ERBB2: variants seen among roughly 807,000 people sequenced by gnomAD.
ERBB2 encodes the protein receptor tyrosine-protein kinase erbB-2.
ERBB2 carries 61 observed loss-of-function variants against 149.0 expected under a neutral mutation model. That is an observed-to-expected ratio of 0.41 (90% CI 0.33 to 0.51). The LOEUF is 0.51. ERBB2 is among the 20% of genes least tolerant of loss of function. The probability of loss-of-function intolerance (pLI) is 0.25; values close to 1 mark genes in which losing one functional copy is unlikely to be tolerated. For synonymous variants in ERBB2, 633 were observed against 678.8 expected, an observed-to-expected ratio of 0.93 and a Z score of 1.05; for missense variants, 1,205 against 1,655.1, an observed-to-expected ratio of 0.73 and a Z score of 4.72.
At chr17:39,707,485 G>A (rs1193786529) in intron 2 of ERBB2, 2 of 223,516 alleles carry the variant, frequency 8.9e-6, no homozygotes, top group African/African-American at 2.3e-5. Flanking sequence ...GAGAAAGGTG[G>A]ATTACAGGCC....
upstream of ERBB2, among the ~76,000 whole-genome samples, chr17:39,691,546 T>TAAAAAAAAAAAAAAA (rs557885708): frequency 1.2e-4 from 13 of 108,290 alleles, no homozygotes; most frequent in African/African-American, 5.6e-4. Flanking sequence ...CCATCTACAT[T>TAAAAAAAAAAAAAAA]AAAAAAAAAA....
At position 39,725,409 on chromosome 17, in the gene ERBB2, G is replaced by C. The variant is rs373343734; in HGVS notation, c.2725+7G>C. On this transcript the variant is annotated splice_region_variant and intron_variant, in intron 22 of 26. Coordinates refer to ENST00000269571, the MANE Select transcript of ERBB2 (RefSeq NM_004448.4). This position sits in a 1 kb window ranked among gnomAD's most constrained non-coding sequence, Gnocchi z 4.6. The stretch of plus-strand genomic sequence containing the variant: ...AGTGATGTGTGGAGTTATGGTGTGT[G>C]ATGGGGGGTGTTGGGAGGGGTGGGT... The C allele has an allele frequency of 2.5e-6, 4 of 1,604,586 alleles. No homozygotes were observed. In the African/African-American group the frequency reaches 5.4e-5, roughly 21 times the overall value.
chr17:39,699,459 T>TA, upstream of ERBB2: 5 of 1,252,424 alleles, frequency 4.0e-6, no homozygotes, highest in Non-Finnish European at 4.4e-6. Flanking sequence ...AAAAGTTCGT[T>TA]TAAAAAAAAA....
At chr17:39,715,662 T>A in intron 11 of ERBB2, 78 bp from the exon 12 acceptor site, 1 of 1,570,992 alleles carries the variant, frequency 6.4e-7, no homozygotes, top group Admixed American at 1.7e-5. Context: ...CAGAGTGTGC[T>A]GGGGATGGAG....
upstream of ERBB2, among the ~76,000 whole-genome samples, chr17:39,694,247 A>ATGTGTG (rs1555612004): frequency 2.3e-5 from 1 of 43,846 alleles, no homozygotes; most frequent in African/African-American, 7.6e-5. Flanking sequence ...ATATATATAT[A>ATGTGTG]TATATATATA....
exon 2 of ERBB2, chr17:39,688,773 C>G (rs997350589): frequency 6.6e-6 from 1 of 152,380 alleles, no homozygotes. Context: ...GTTCACCACT[C>G]TACCTCCAGC....
Position 39,728,235 on chromosome 17 carries a change from TG to T in ERBB2, c.*193del, listed in dbSNP as rs1437306478. On this transcript the variant is annotated 3_prime_UTR_variant, in exon 27 of 27. Transcript: ENST00000269571. ...ATGGCTGGAAGGGGTCCAGCCTCGT[TG>T]GAAGAGGAACAGCACTGGGGAGTCT... 5.5e-6 allele frequency: 3 copies of T among 544,374 alleles called. No homozygotes were observed. Among genetic ancestry groups the T allele is most frequent in the African/African-American group, 1.9e-5 (1 of 53,372 alleles). The allele number at this position is 544,374 out of a possible 1,614,324, so 33.7% of individuals were successfully genotyped here.
At chr17:39,719,160 T>C (rs1366052506) in intron 15 of ERBB2, among the ~76,000 whole-genome samples, 2 of 150,838 alleles carry the variant, frequency 1.3e-5, no homozygotes, top group East Asian at 2.0e-4. Context: ...ATTTGAGAGG[T>C]TGAGACAGGA....
At chr17:39,689,723 T>G (rs2057650101) in intron 2 of ERBB2, among the ~76,000 whole-genome samples, 1 of 152,024 alleles carries the variant, frequency 6.6e-6, no homozygotes, top group African/African-American at 2.4e-5. Flanking sequence ...CTGACCAACA[T>G]GGAGAAACCC....
chr17:39,691,266 A>T (rs566069116), upstream of ERBB2, among the ~76,000 whole-genome samples: 3 of 151,990 alleles, frequency 2.0e-5, no homozygotes, highest in Non-Finnish European at 4.4e-5. Context: ...GACTGAAGCC[A>T]GGTGCGGTGG....
intron 7 of ERBB2, 85 bp from the exon 8 acceptor site, chr17:39,711,843 C>A (rs150502135): frequency 2.4e-4 from 376 of 1,542,500 alleles, no homozygotes; most frequent in Non-Finnish European, 3.0e-4. Context: ...TGATATTATT[C>A]TTCTTGTGCC....
intron 1 of ERBB2, among the ~76,000 whole-genome samples, chr17:39,701,995 T>A (rs1460979802): frequency 6.6e-6 from 1 of 152,186 alleles, no homozygotes; most frequent in East Asian, 1.9e-4. Flanking sequence ...TGGCAGTTGC[T>A]GCAGAGCTGG....
chr17:39,709,555 C>T, intron 4 of ERBB2, 103 bp downstream of exon 4: 1 of 1,349,796 alleles, frequency 7.4e-7, no homozygotes, highest in Non-Finnish European at 1.0e-6. Context: ...GCCCCAGCCG[C>T]CTACACCACC....
intron 2 of ERBB2, among the ~76,000 whole-genome samples, chr17:39,689,240 A>G (rs2057637673): frequency 6.6e-6 from 1 of 152,070 alleles, no homozygotes; most frequent in Admixed American, 6.5e-5. Context: ...TTCACATTGC[A>G]TTTTCTGTGA....
upstream of ERBB2, among the ~76,000 whole-genome samples, chr17:39,694,260 T>TACACACAC (rs55761415): frequency 4.3e-5 from 1 of 23,498 alleles, no homozygotes; most frequent in Non-Finnish European, 1.1e-4. Flanking sequence ...TATATATATA[T>TACACACAC]ATATATATGT....
chr17:39,692,284 G>A (rs978683925), upstream of ERBB2, among the ~76,000 whole-genome samples: 4 of 152,004 alleles, frequency 2.6e-5, no homozygotes, highest in East Asian at 1.9e-4. Context: ...TGTTATGCGC[G>A]TAGTATTATG....
At chr17:39,720,652 C>CT (rs1363559061) in intron 16 of ERBB2, among the ~76,000 whole-genome samples, 1 of 151,928 alleles carries the variant, frequency 6.6e-6, no homozygotes. Context: ...GATGCACTAT[C>CT]TTTTTTTTAT....
chr17:39,694,012 G>A (rs1165835819), upstream of ERBB2, among the ~76,000 whole-genome samples: 10 of 147,164 alleles, frequency 6.8e-5, no homozygotes, highest in African/African-American at 2.2e-4. Flanking sequence ...ACGGAGAAAC[G>A]CTGCCTCTAT....
Position 39,710,347 on chromosome 17 carries a change from T to C in ERBB2, c.767T>C (p.Leu256Pro), listed in dbSNP as rs777081311. The change falls in exon 7 of 27, where the codon CTC becomes CCC. Residue 256 changes from leucine (L) to proline (P), a missense_variant. Leu to Pro is a moderately conservative substitution (Grantham distance 98). Transcript: ENST00000269571. ...AGCCACCTGTCCCCCCAGGCCTGCC[T>C]CCACTTCAACCACAGTGGCATCTGT... ...GPKHSDCLAC[L>P]HFNHSGICEL... 6.2e-7 allele frequency: 1 copy of C among 1,614,080 alleles called. No individual in the cohort carries two copies. The highest frequency in any genetic ancestry group is 2.2e-5 in the East Asian group (1 of 44,872).
Sources: gnomAD v4.1 joint callset for allele counts (sites outside exome capture counted in the v4.1 genomes callset) on GRCh38, gnomAD v4.1.1 for gene constraint, Gnocchi (gnomAD v3.1) non-coding constraint, MANE v1.5 for transcripts, NCBI Gene and HGNC (gene_info 2026-07-23, HGNC 2026-07-21) for gene names.